ADGRL3: variants seen among roughly 807,000 people sequenced by gnomAD.
The protein encoded by ADGRL3 is calcium-independent alpha-latrotoxin receptor 3.
In ADGRL3, 62 loss-of-function variants were observed where a neutral mutation model predicts 153.5. The observed-to-expected ratio is 0.40, with a 90% CI of 0.33 to 0.50. The LOEUF (loss-of-function observed/expected upper bound fraction) is 0.50, where lower values mean the gene tolerates loss of function less well. ADGRL3 is among the 20% of genes least tolerant of loss of function. The pLI, the probability that ADGRL3 is intolerant of heterozygous loss-of-function variation, is 0.47. For synonymous variants in ADGRL3, 710 were observed against 672.5 expected (o/e 1.06, Z -0.86); for missense variants, 1,641 against 1,859.4 (o/e 0.88, Z 2.16).
chr4:61,308,143 C>A (rs2094867121), intron 1 of ADGRL3, among the ~76,000 whole-genome samples: 1 of 152,042 alleles, frequency 6.6e-6, no homozygotes, highest in Non-Finnish European at 1.5e-5. Flanking sequence ...GGGAAAGGAC[C>A]CAGAGAAGGG....
At position 61,212,272 on chromosome 4, in the gene ADGRL3, C is replaced by G. The variant is rs1411481521; in HGVS notation, c.-240+10507C>G. 2.6e-5 allele frequency: 4 copies of G among 152,208 alleles called. No individual in the cohort carries two copies. In the East Asian group the frequency reaches 7.7e-4, roughly 29 times the overall value. 9.4% of individuals were successfully genotyped at this position (152,208 alleles called of 1,614,324 possible). On this transcript the variant is annotated intron_variant, in intron 1 of 26. Coordinates refer to ENST00000683033, the MANE Select transcript of ADGRL3 (RefSeq NM_001387552.1). ...GTGAGTTTGTAGTTATGTATCCATC[C>G]ATCTGTTTGAGACATCTAATTATTT... is the stretch of plus-strand genomic sequence containing the variant.
chr4:61,778,759 A>C (rs987175708), intron 8 of ADGRL3, among the ~76,000 whole-genome samples: 1 of 152,188 alleles, frequency 6.6e-6, no homozygotes, highest in Admixed American at 6.5e-5. Context: ...GTGTAATAAT[A>C]TTAAAAATCA....
chr4:61,235,973 A>C (rs999792876), intron 1 of ADGRL3, among the ~76,000 whole-genome samples: 1 of 135,772 alleles, frequency 7.4e-6, no homozygotes, highest in Non-Finnish European at 1.6e-5. Context: ...TTTATTTCCT[A>C]TATGTGCTTT....
intron 8 of ADGRL3, among the ~76,000 whole-genome samples, chr4:61,744,861 C>T (rs909942699): frequency 1.1e-4 from 17 of 152,250 alleles, no homozygotes; most frequent in Middle Eastern, 3.4e-3. Context: ...CAAAGCTGGA[C>T]AGAGAATGAC....
chr4:62,024,065 A>G (rs1166128327), intron 21 of ADGRL3, among the ~76,000 whole-genome samples: 1 of 152,298 alleles, frequency 6.6e-6, no homozygotes, highest in African/African-American at 2.4e-5. Flanking sequence ...CTTTGATAGT[A>G]TTAATATATT....
intron 6 of ADGRL3, among the ~76,000 whole-genome samples, chr4:61,712,055 A>G (rs903664140): frequency 3.3e-5 from 5 of 152,122 alleles, no homozygotes; most frequent in African/African-American, 1.2e-4. Flanking sequence ...ATTTCATTCC[A>G]TACTCAGTTA....
chr4:61,280,067 T>C (rs2093654325), intron 1 of ADGRL3, among the ~76,000 whole-genome samples: 2 of 152,052 alleles, frequency 1.3e-5, no homozygotes, highest in Non-Finnish European at 2.9e-5. Flanking sequence ...GTTTATTTCT[T>C]TCTTAAATTG....
At chr4:61,885,976 TATATG>T (rs1263103047) in intron 9 of ADGRL3, among the ~76,000 whole-genome samples, 1 of 152,180 alleles carries the variant, frequency 6.6e-6, no homozygotes, top group Non-Finnish European at 1.5e-5. Flanking sequence ...TTGCTTATCT[TATATG>T]ATAAAGCCAC....
At chr4:62,013,753 T>C (rs1011051542) in intron 21 of ADGRL3, among the ~76,000 whole-genome samples, 5 of 151,838 alleles carry the variant, frequency 3.3e-5, no homozygotes, top group African/African-American at 1.2e-4. Flanking sequence ...CTGGGCATGG[T>C]GGCGCATGCC....
chr4:61,619,334 CT>C (rs1194886988), intron 5 of ADGRL3, among the ~76,000 whole-genome samples: 4 of 151,824 alleles, frequency 2.6e-5, no homozygotes, highest in East Asian at 3.9e-4. Flanking sequence ...CCTCCAATAC[CT>C]TTTTTTTCTA....
intron 2 of ADGRL3, among the ~76,000 whole-genome samples, chr4:61,401,607 T>C (rs1578656532): frequency 6.6e-6 from 1 of 152,008 alleles, no homozygotes; most frequent in East Asian, 1.9e-4. Flanking sequence ...TTTATTATCA[T>C]CTAAGTTGAA....
chr4:62,022,974 G>C (rs1465918385), intron 21 of ADGRL3, among the ~76,000 whole-genome samples: 2 of 152,080 alleles, frequency 1.3e-5, no homozygotes, highest in Non-Finnish European at 2.9e-5. Context: ...CAAGAAATAA[G>C]TTTTTTAAGG....
intron 2 of ADGRL3, among the ~76,000 whole-genome samples, chr4:61,436,890 C>A (rs200992304): frequency 0.011 from 1,625 of 143,044 alleles, 24 homozygotes; most frequent in African/African-American, 0.039. Context: ...TACTTGATAT[C>A]AAAAAAAAGG....
At chr4:62,052,267 T>C (rs1734620062) in intron 25 of ADGRL3, among the ~76,000 whole-genome samples, 1 of 151,598 alleles carries the variant, frequency 6.6e-6, no homozygotes. Flanking sequence ...GATTAGAATA[T>C]AGATATAGTC....
At chr4:61,672,674 A>T (rs1469344163) in intron 5 of ADGRL3, among the ~76,000 whole-genome samples, 1 of 152,068 alleles carries the variant, frequency 6.6e-6, no homozygotes, top group Non-Finnish European at 1.5e-5. Context: ...GACAAAAGAT[A>T]AGTGTTGATG....
At chr4:61,936,591 T>C (rs1346841752) in intron 15 of ADGRL3, among the ~76,000 whole-genome samples, 1 of 152,018 alleles carries the variant, frequency 6.6e-6, no homozygotes, top group Non-Finnish European at 1.5e-5. Context: ...ATAAATAATC[T>C]TATAAAGTAT....
At chr4:61,517,846 G>A (rs2098506971) in intron 4 of ADGRL3, among the ~76,000 whole-genome samples, 1 of 152,170 alleles carries the variant, frequency 6.6e-6, no homozygotes, top group South Asian at 2.1e-4. Context: ...TTGAAAGGCT[G>A]TATAAGTTTT....
At chr4:61,257,688 A>T (rs981683058) in intron 1 of ADGRL3, among the ~76,000 whole-genome samples, 34 of 152,238 alleles carry the variant, frequency 2.2e-4, no homozygotes, top group African/African-American at 8.2e-4. Context: ...AGATATGATG[A>T]GTAACAGTTG....
At chr4:61,481,792 T>A (rs1242336061) in intron 2 of ADGRL3, among the ~76,000 whole-genome samples, 2 of 152,098 alleles carry the variant, frequency 1.3e-5, no homozygotes, top group East Asian at 3.8e-4. Flanking sequence ...TAAATAATAT[T>A]CTTACTCTTT....
Sources: gnomAD v4.1 joint callset for allele counts (sites outside exome capture counted in the v4.1 genomes callset) on GRCh38, gnomAD v4.1.1 for gene constraint, MANE v1.5 for transcripts, NCBI Gene and HGNC (gene_info 2026-07-23, HGNC 2026-07-21) for gene names.